CLVS1: variants seen among roughly 807,000 people sequenced by gnomAD.
CLVS1 encodes clavesin-1.
In CLVS1, 10 loss-of-function variants were observed where a neutral mutation model predicts 33.1. The ratio of observed to expected loss-of-function variants is 0.30; its 90% confidence interval spans 0.19 to 0.51. The LOEUF (loss-of-function observed/expected upper bound fraction) is 0.51. Ranked by LOEUF, CLVS1 falls within the 20% of genes least tolerant of loss-of-function variation. The pLI is 0.97. For synonymous variants in CLVS1, 163 were observed against 166.1 expected, an observed-to-expected ratio of 0.98 and a Z score of 0.14; for missense variants, 343 against 433.4, an observed-to-expected ratio of 0.79 and a Z score of 1.85.
chr8:60,971,098 CAG>C, the CLVS1 span, among the ~76,000 whole-genome samples: 14 of 101,342 alleles, frequency 1.4e-4, no homozygotes, highest in African/African-American at 5.1e-4. Flanking sequence ...TTTTTTGAGA[CAG>C]AGTCTGACTC....
At chr8:61,233,509 CAA>C (rs35418716) in intron 2 of CLVS1, among the ~76,000 whole-genome samples, 111 of 97,040 alleles carry the variant, frequency 1.1e-3, no homozygotes, top group African/African-American at 2.1e-3. Context: ...GACTCTGTAT[CAA>C]AAAAAAAAAA....
Position 61,222,473 on chromosome 8 carries a change from TC to T in CLVS1, c.-151-77202del, listed in dbSNP as rs748937167. ...TTATTCAGGAGCAGGTTGTTCAATT[TC>T]CATGAGTTTCTATGAGTGAGTTTCT... is the stretch of plus-strand genomic sequence containing the variant. On this transcript the variant is annotated intron_variant, in intron 2 of 2. Transcript: ENST00000522621. 1.1e-4 allele frequency among the ~76,000 whole-genome samples: 17 copies of T among 152,330 alleles called. No homozygotes were observed. In the East Asian group the frequency reaches 1.7e-3, roughly 16 times the overall value.
intron 2 of CLVS1, chr8:61,202,854 A>AGAAGATGATGATGAT (rs574660833): frequency 3.3e-5 from 32 of 980,096 alleles, no homozygotes; most frequent in Admixed American, 1.6e-4. Flanking sequence ...ATGATGATGA[A>AGAAGATGATGATGAT]GAAGATGATG....
chr8:61,082,070 A>G (rs1392658663), intron 1 of CLVS1, among the ~76,000 whole-genome samples: 57 of 152,216 alleles, frequency 3.7e-4, no homozygotes, highest in Non-Finnish European at 2.9e-5. Context: ...AAAGTGAACA[A>G]CATGCAAGAA....
the CLVS1 span, among the ~76,000 whole-genome samples, chr8:60,987,766 G>C: frequency 6.6e-5 from 10 of 152,240 alleles, no homozygotes; most frequent in African/African-American, 2.4e-4. Flanking sequence ...GAAAGAGGAT[G>C]TAATAAAAGT....
intron 3 of CLVS1, among the ~76,000 whole-genome samples, chr8:61,409,654 A>G (rs1278249233): frequency 2.0e-5 from 3 of 152,186 alleles, no homozygotes; most frequent in Admixed American, 2.0e-4. Context: ...ATTATCTACA[A>G]GTTCTCAGAA....
At chr8:61,313,291 G>A (rs925481874) in intron 2 of CLVS1, among the ~76,000 whole-genome samples, 1 of 152,140 alleles carries the variant, frequency 6.6e-6, no homozygotes, top group Non-Finnish European at 1.5e-5. Context: ...CACCATGTAA[G>A]GGTCTAGAAG....
At chr8:61,135,373 A>G (rs1263492233) in intron 2 of CLVS1, among the ~76,000 whole-genome samples, 1 of 151,966 alleles carries the variant, frequency 6.6e-6, no homozygotes, top group East Asian at 1.9e-4. Context: ...CGCCTGTAGG[A>G]GTTGGTTCAG....
upstream of CLVS1, among the ~76,000 whole-genome samples, chr8:61,053,197 G>T (rs1433232785): frequency 6.6e-6 from 1 of 152,202 alleles, no homozygotes; most frequent in South Asian, 2.1e-4. Flanking sequence ...AGTCTGCAGT[G>T]CATGACAGGA....
At chr8:61,386,747 T>G (rs912078063) in intron 3 of CLVS1, among the ~76,000 whole-genome samples, 1 of 152,312 alleles carries the variant, frequency 6.6e-6, no homozygotes, top group East Asian at 1.9e-4. Flanking sequence ...AATACAAGGA[T>G]GCTGCTGATG....
chr8:61,003,137 T>TG, the CLVS1 span, among the ~76,000 whole-genome samples: 18 of 152,308 alleles, frequency 1.2e-4, no homozygotes, highest in South Asian at 2.9e-3. Flanking sequence ...GGACTTGCTC[T>TG]GGGGGGTCTC....
chr8:61,284,577 C>T (rs761575354), upstream of CLVS1, among the ~76,000 whole-genome samples: 17 of 152,078 alleles, frequency 1.1e-4, no homozygotes, highest in South Asian at 2.1e-4. Flanking sequence ...ACCAAAGTGT[C>T]GGTAGTGTGT....
chr8:61,330,236 C>T (rs1249218432), intron 2 of CLVS1, among the ~76,000 whole-genome samples: 2 of 152,086 alleles, frequency 1.3e-5, no homozygotes, highest in Non-Finnish European at 2.9e-5. Context: ...ACAGTGTCCA[C>T]GGACTTGTGC....
intron 2 of CLVS1, among the ~76,000 whole-genome samples, chr8:61,168,112 G>A (rs769656336): frequency 6.6e-6 from 1 of 152,126 alleles, no homozygotes; most frequent in Non-Finnish European, 1.5e-5. Context: ...TTTGGATCGG[G>A]ACCCCTTTCC....
At chr8:61,071,112 C>T (rs1201653219) in intron 1 of CLVS1, among the ~76,000 whole-genome samples, 1 of 152,186 alleles carries the variant, frequency 6.6e-6, no homozygotes, top group Non-Finnish European at 1.5e-5. Context: ...AAGAGAAAGG[C>T]CTACCCTGGA....
At chr8:61,270,475 C>G (rs1354132399) in intron 2 of CLVS1, among the ~76,000 whole-genome samples, 3 of 152,070 alleles carry the variant, frequency 2.0e-5, no homozygotes, top group Non-Finnish European at 2.9e-5. Context: ...CTAAAATTCC[C>G]TTTTTTTGTT....
At chr8:61,002,806 T>C in the CLVS1 span, among the ~76,000 whole-genome samples, 493 of 152,374 alleles carry the variant, frequency 3.2e-3, 5 homozygotes, top group African/African-American at 0.012. Flanking sequence ...CTTTTTGAGT[T>C]CTTCTCTATT....
chr8:61,486,082 A>AACTT (rs1803870584), intron 5 of CLVS1, among the ~76,000 whole-genome samples: 2 of 151,218 alleles, frequency 1.3e-5, no homozygotes, highest in African/African-American at 4.9e-5. Context: ...TGTACCCTAC[A>AACTT]ACTTAAAGTA....
At chr8:61,397,414 G>A (rs1013490034) in intron 3 of CLVS1, among the ~76,000 whole-genome samples, 1 of 152,036 alleles carries the variant, frequency 6.6e-6, no homozygotes, top group African/African-American at 2.4e-5. Flanking sequence ...AGTTATAAGA[G>A]AAACATGTCT....
Sources: allele counts gnomAD v4.1 joint callset (sites outside exome capture counted in the v4.1 genomes callset), GRCh38; gene constraint gnomAD v4.1.1; transcripts MANE v1.5; gene names NCBI Gene and HGNC (gene_info 2026-07-23, HGNC 2026-07-21).